Variants in ATG9B observed in about 807,000 individuals in gnomAD.
ATG9B encodes the protein autophagy-related protein 9B.
ATG9B carries 92 observed loss-of-function variants against 92.9 expected under a neutral mutation model. That is an observed-to-expected ratio of 0.99 (90% CI 0.84 to 1.18). The LOEUF is 1.18. ATG9B is among the 50% of genes most tolerant of loss of function. ATG9B has a pLI of 0.00. For synonymous variants in ATG9B, 599 were observed against 551.4 expected, an observed-to-expected ratio of 1.09 and a Z score of -1.21; for missense variants, 1,344 against 1,235.0, an observed-to-expected ratio of 1.09 and a Z score of -1.32.
rs1795591519 is a variant in ATG9B at position 151,018,303 on chromosome 7, CT to C, written c.1862del (p.Gln621ArgfsTer57). 1 of 1,569,888 alleles carries C rather than the reference CT, an allele frequency of 6.4e-7. No individual in the cohort carries two copies. Among genetic ancestry groups the C allele is most frequent in the Non-Finnish European group, 8.6e-7 (1 of 1,165,236 alleles). Reference protein sequence around the residue: ...RAYRQMAQLLQYRAVSLLEEL... With the variant: ...RAYRQMAQLLXYRAVSLLEEL... ...TCGCGCCCACCCTCACCGCTCGGTA[CT>C]GCAGCAGCTGCGCCATCTGCCGGTA... is the stretch of plus-strand genomic sequence containing the variant. On this transcript the variant is annotated frameshift_variant, in exon 7 of 14. Coordinates refer to ENST00000639579, the MANE Select transcript of ATG9B (RefSeq NM_001317056.2). LOFTEE classifies it high-confidence loss of function. This position sits in a 1 kb window ranked among gnomAD's most constrained non-coding sequence, Gnocchi z 4.7.
downstream of ATG9B, chr7:151,012,298 A>G (rs1049958362): frequency 6.8e-7 from 1 of 1,479,206 alleles, no homozygotes; most frequent in Non-Finnish European, 9.1e-7. Context: ...GCATGGTGAG[A>G]ATGGTGGAGC....
Position 151,019,173 on chromosome 7 carries a change from CA to C in ATG9B, c.1164del (p.Ser388ArgfsTer44). On this transcript the variant is annotated frameshift_variant, in exon 6 of 14. Coordinates refer to ENST00000639579, the MANE Select transcript of ATG9B (RefSeq NM_001317056.2). LOFTEE classifies it high-confidence loss of function. ...PARCPLPWGG[S>X]AAFLSRGLAL... The stretch of plus-strand genomic sequence containing the variant: ...GCCAGGCCGCGGCTGAGGAAAGCCG[CA>C]CTGCCTCCCCAGGGCAGCGGGCAGC... The C allele has an allele frequency of 6.5e-7, 1 of 1,536,824 alleles. No individual in the cohort carries two copies. Among genetic ancestry groups the C allele is most frequent in the Non-Finnish European group, 8.7e-7 (1 of 1,146,668 alleles).
At chr7:151,012,475 G>T, downstream of ATG9B, 2 of 1,612,022 alleles carry the variant, frequency 1.2e-6, no homozygotes, top group Non-Finnish European at 1.7e-6. Context: ...GAGCAAAGGT[G>T]AGGCTGGGGA....
Position 151,016,668 on chromosome 7 carries a change from T to G in ATG9B, c.2423+20A>C, listed in dbSNP as rs1466562572. ...CCACCCCCCTCCACATGCCCCTGCATCTCAGCCTCCACTCCTCACCTGGGG... is the reference window on the plus strand; with the variant it reads ...CCACCCCCCTCCACATGCCCCTGCAGCTCAGCCTCCACTCCTCACCTGGGG... On this transcript the variant is annotated intron_variant, in intron 10 of 13. Coordinates refer to ENST00000639579, the MANE Select transcript of ATG9B (RefSeq NM_001317056.2). The G allele has an allele frequency of 7.8e-6, 12 of 1,541,478 alleles. No individual in the cohort carries two copies. The East Asian group carries it at 3.0e-4, about 39-fold the overall frequency.
downstream of ATG9B, chr7:151,013,377 A>G: frequency 6.2e-7 from 1 of 1,612,624 alleles, no homozygotes; most frequent in Non-Finnish European, 8.5e-7. Flanking sequence ...TGACAACCCC[A>G]AGGTGTGAGA....
At position 151,015,218 on chromosome 7, in the gene ATG9B, G is replaced by A. The variant is rs1031449685; in HGVS notation, c.*510C>T. 1.3e-5 allele frequency: 2 copies of A among 152,190 alleles called. No individual in the cohort carries two copies. The highest frequency in any genetic ancestry group is 4.8e-5 in the African/African-American group (2 of 41,424). The allele number at this position is 152,190 out of a possible 1,614,324, so 9.4% of individuals were successfully genotyped here. A position where few individuals can be genotyped will look rare whatever the true frequency, so the allele number is the denominator to read the frequency against. ...ATGGGGAGCCACACCCACTTCCTGG[G>A]ACATCACACCCGTACTGAAGTCCAA... is the stretch of plus-strand genomic sequence containing the variant. On this transcript the variant is annotated 3_prime_UTR_variant, in exon 14 of 14. Transcript: ENST00000639579.
Position 151,021,341 on chromosome 7 carries a change from T to G in ATG9B, c.822-12A>C. On this transcript the variant is annotated splice_polypyrimidine_tract_variant and intron_variant, in intron 4 of 13. Transcript: ENST00000639579. ...GGCTGGAGCGGATCCTGTATGGGGTTGGGCGGGCAGTGGGGGAGAAAGGTG... is the reference window on the plus strand; with the variant it reads ...GGCTGGAGCGGATCCTGTATGGGGTGGGGCGGGCAGTGGGGGAGAAAGGTG... The G allele has an allele frequency of 6.3e-7, 1 of 1,580,744 alleles. No individual in the cohort carries two copies. Among genetic ancestry groups the G allele is most frequent in the East Asian group, 2.3e-5 (1 of 44,048 alleles).
intron 11 of ATG9B, 65 bp downstream of exon 11, chr7:151,016,366 C>A: frequency 6.6e-7 from 1 of 1,524,840 alleles, no homozygotes; most frequent in South Asian, 1.2e-5. Context: ...TCCACCCCAC[C>A]TCAGTCTCCA....
Position 151,018,814 on chromosome 7 carries a change from G to A in ATG9B, c.1524C>T (p.Arg508=). Residue 508 remains arginine (R), a synonymous_variant, in exon 6 of 14, where the codon CGC becomes CGT. Coordinates refer to ENST00000639579, the MANE Select transcript of ATG9B (RefSeq NM_001317056.2). This position sits in a 1 kb window ranked among gnomAD's most constrained non-coding sequence, Gnocchi z 4.7. Reference sequence around the variant, plus strand: ...CGGTGCGCAGGAAGGCGGCGGCGGGGCGGTAGGCGCGGGCCAGGCGCGCGC... The same window carrying A: ...CGGTGCGCAGGAAGGCGGCGGCGGGACGGTAGGCGCGGGCCAGGCGCGCGC... ...ELRARLARAY[R]PAAAFLRTAA... 7.8e-7 allele frequency: 1 copy of A among 1,289,470 alleles called. No individual in the cohort carries two copies. 79.9% of individuals were successfully genotyped at this position (1,289,470 alleles called of 1,614,324 possible).
chr7:151,013,971 G>T, downstream of ATG9B: 1 of 1,607,534 alleles, frequency 6.2e-7, no homozygotes, highest in Non-Finnish European at 8.5e-7. Context: ...TAAGGTCTCC[G>T]AGTCGGGTTC....
intron 11 of ATG9B, 21 bp downstream of exon 11, chr7:151,016,410 T>G: frequency 1.9e-6 from 3 of 1,549,184 alleles, no homozygotes; most frequent in Non-Finnish European, 2.6e-6. Context: ...ACATTTCTCC[T>G]TTGGGCACCC....
chr7:151,024,447 G>A lies in ATG9B; in HGVS notation c.-24C>T. The A allele has an allele frequency of 7.6e-7, 1 of 1,321,606 alleles. No homozygotes were observed. The highest frequency in any genetic ancestry group is 9.7e-7 in the Non-Finnish European group (1 of 1,030,120). The allele number at this position is 1,321,606 out of a possible 1,614,324, so 81.9% of individuals were successfully genotyped here. On this transcript the variant is annotated 5_prime_UTR_variant, in exon 1 of 14. Coordinates refer to ENST00000639579, the MANE Select transcript of ATG9B (RefSeq NM_001317056.2). ...ATCAGGCCACGGCTTCTCCAGAAAG[G>A]TTGGAAGGATGGGAGCTGTTGTTGC...
chr7:151,020,999 G>C (rs1795724046), intron 5 of ATG9B, 189 bp downstream of exon 5: 2 of 643,370 alleles, frequency 3.1e-6, no homozygotes, highest in South Asian at 3.8e-5. Context: ...TTAGGGTAAG[G>C]GCCATGCTCT....
chr7:151,019,267 G>A lies in ATG9B; in HGVS notation c.1071C>T (p.Ile357=). 6.3e-7 allele frequency: 1 copy of A among 1,581,362 alleles called. No homozygotes were observed. Among genetic ancestry groups the A allele is most frequent in the Non-Finnish European group, 8.5e-7 (1 of 1,171,024 alleles). The change falls in exon 6 of 14, where the codon ATC becomes ATT. Residue 357 remains isoleucine (I), a synonymous_variant. Transcript: ENST00000639579. ...VQPRPLTELD[I]HHRILRYTNY... is the part of the protein sequence containing the mutation. Reference sequence around the variant, plus strand: ...TGGTGTAGCGCAGGATGCGGTGGTGGATGTCCAGCTCCGTCAGGGGCCGCG... The same window carrying A: ...TGGTGTAGCGCAGGATGCGGTGGTGAATGTCCAGCTCCGTCAGGGGCCGCG...
downstream of ATG9B, chr7:151,013,946 G>T: frequency 1.2e-6 from 2 of 1,601,772 alleles, no homozygotes; most frequent in Non-Finnish European, 1.7e-6. Flanking sequence ...GGGCCTGAGC[G>T]TGCGGGGTTC....
Position 151,018,549 on chromosome 7 carries a change from G to C in ATG9B, c.1718+71C>G, listed in dbSNP as rs1298027734. 63 of 1,537,940 alleles carry C rather than the reference G, an allele frequency of 4.1e-5. No individual in the cohort carries two copies. The highest frequency in any genetic ancestry group is 5.5e-5 in the Non-Finnish European group (63 of 1,145,666). ...CAGTGGTGGGAGAGGTAAGGATTCG[G>C]GGGGAACCTCACATGGCCCCAGATC... On this transcript the variant is annotated intron_variant, in intron 6 of 13. Coordinates refer to ENST00000639579, the MANE Select transcript of ATG9B (RefSeq NM_001317056.2). This position sits in a 1 kb window ranked among gnomAD's most constrained non-coding sequence, Gnocchi z 4.7.
chr7:151,012,300 TG>T, downstream of ATG9B: 1 of 1,450,490 alleles, frequency 6.9e-7, no homozygotes. Flanking sequence ...ATGGTGAGAA[TG>T]GTGGAGCAGG....
chr7:151,014,363 G>A (rs1584916620), downstream of ATG9B: 1 of 616,102 alleles, frequency 1.6e-6, no homozygotes, highest in South Asian at 2.4e-5. Flanking sequence ...TGTTGCCTCG[G>A]GCCTGGGTCC....
rs1421701986 is a variant in ATG9B, at chr7:151,024,491, C to T, written c.-68G>A. On this transcript the variant is annotated 5_prime_UTR_variant, in exon 1 of 14. Transcript: ENST00000639579. ...TTGTTGCTTCCACAAAGGTCTGTGA[C>T]ACTGAGCTGGGACTTCAACAGGAAC... 1.6e-5 allele frequency: 19 copies of T among 1,189,130 alleles called. No individual in the cohort carries two copies. Among genetic ancestry groups the T allele is most frequent in the Non-Finnish European group, 1.9e-5 (18 of 930,792 alleles). 73.7% of individuals were successfully genotyped at this position (1,189,130 alleles called of 1,614,324 possible).
Sources: allele counts gnomAD v4.1 joint callset, GRCh38; gene constraint gnomAD v4.1.1; non-coding constraint Gnocchi (gnomAD v3.1); transcripts MANE v1.5; gene names NCBI Gene and HGNC (gene_info 2026-07-23, HGNC 2026-07-21).